Variants in PIP4K2A observed in about 807,000 individuals in gnomAD.
PIP4K2A encodes phosphatidylinositol-5-phosphate 4-kinase type 2 alpha.
In PIP4K2A, 14 loss-of-function variants were observed where a neutral mutation model predicts 42.9. That is an observed-to-expected ratio of 0.33 (90% confidence interval 0.22 to 0.51). The LOEUF is 0.51. PIP4K2A is among the 20% of genes least tolerant of loss of function. The probability of loss-of-function intolerance (pLI) is 0.97; values close to 1 mark genes in which losing one functional copy is unlikely to be tolerated. For synonymous variants in PIP4K2A, 192 were observed against 192.2 expected (o/e 1.00, Z 0.01); for missense variants, 434 against 519.8 (o/e 0.83, Z 1.61).
At chr10:22,714,075 G>A (rs1833964560) in intron 1 of PIP4K2A, 108 bp downstream of exon 1, 4 of 1,189,490 alleles carry the variant, frequency 3.4e-6, no homozygotes, top group Non-Finnish European at 4.7e-6. Context: ...GGAGGTCCAG[G>A]GCTGACTCCG....
intron 1 of PIP4K2A, among the ~76,000 whole-genome samples, chr10:22,646,764 G>A (rs1378092166): frequency 2.0e-5 from 3 of 152,218 alleles, no homozygotes; most frequent in Middle Eastern, 3.4e-3. Context: ...CCCACCTGTG[G>A]AGTCTGAGAG....
intron 6 of PIP4K2A, among the ~76,000 whole-genome samples, chr10:22,556,411 A>G (rs1836549859): frequency 1.3e-5 from 2 of 152,182 alleles, no homozygotes; most frequent in Non-Finnish European, 2.9e-5. Flanking sequence ...TGAAACCCAA[A>G]TGAGAGTAAA....
chr10:22,636,706 C>T (rs749703736), intron 1 of PIP4K2A, among the ~76,000 whole-genome samples: 8 of 152,190 alleles, frequency 5.3e-5, no homozygotes, highest in Admixed American at 1.3e-4. Context: ...ACAAGCCCAG[C>T]GTGTAAATAT....
chr10:22,573,879 T>G (rs1406199170), intron 4 of PIP4K2A, among the ~76,000 whole-genome samples: 1 of 152,242 alleles, frequency 6.6e-6, no homozygotes, highest in Non-Finnish European at 1.5e-5. Flanking sequence ...TCTAACAGTG[T>G]TGAAGTCGAG....
chr10:22,635,223 C>A (rs986552768), intron 1 of PIP4K2A, among the ~76,000 whole-genome samples: 4 of 152,026 alleles, frequency 2.6e-5, no homozygotes, highest in African/African-American at 7.3e-5. Context: ...ACAGAGAGAA[C>A]CCTAATGTCA....
rs557592853 is a variant in PIP4K2A, at chr10:22,612,487, G to A, written c.145-2770C>T. Among the ~76,000 whole-genome samples, 24 of 152,322 alleles carry A rather than the reference G, an allele frequency of 1.6e-4. No homozygotes were observed. In the South Asian group the frequency reaches 4.6e-3, roughly 29 times the overall value. On this transcript the variant is annotated intron_variant, in intron 1 of 9. Transcript: ENST00000376573. ...ACACTGTTAATGGGAAAACAGTGCA[G>A]AAATAGACAAGGTGCGTGGCATGAA...
intron 1 of PIP4K2A, among the ~76,000 whole-genome samples, chr10:22,637,728 C>T (rs1052238372): frequency 6.6e-6 from 1 of 152,174 alleles, no homozygotes; most frequent in Non-Finnish European, 1.5e-5. Flanking sequence ...CAGACGAAAC[C>T]ACAACTCAGA....
intron 1 of PIP4K2A, among the ~76,000 whole-genome samples, chr10:22,677,557 T>C (rs1839583037): frequency 6.6e-6 from 1 of 152,170 alleles, no homozygotes; most frequent in South Asian, 2.1e-4. Context: ...TGCAGAATGA[T>C]GAAACAGAAT....
chr10:22,573,508 T>G (rs757358809), intron 4 of PIP4K2A, 51 bp from the exon 5 acceptor site: 25 of 1,521,502 alleles, frequency 1.6e-5, no homozygotes, highest in Non-Finnish European at 2.2e-5. Flanking sequence ...AAAAGATTGC[T>G]TCCTTAGATG....
chr10:22,706,619 G>C (rs562033461), intron 1 of PIP4K2A, among the ~76,000 whole-genome samples: 1 of 152,118 alleles, frequency 6.6e-6, no homozygotes, highest in African/African-American at 2.4e-5. Flanking sequence ...TGCACAATTT[G>C]AGAGCAAGGT....
At chr10:22,610,441 T>G (rs924874579) in intron 1 of PIP4K2A, among the ~76,000 whole-genome samples, 3 of 152,250 alleles carry the variant, frequency 2.0e-5, no homozygotes, top group African/African-American at 7.2e-5. Context: ...TTTTGCATGT[T>G]GACTTTCCTT....
intron 1 of PIP4K2A, among the ~76,000 whole-genome samples, chr10:22,674,955 C>T (rs1839527858): frequency 6.6e-6 from 1 of 151,090 alleles, no homozygotes; most frequent in Non-Finnish European, 1.5e-5. Flanking sequence ...AAAACAAGAC[C>T]GTAGGATTCT....
rs556755579 is a variant in PIP4K2A at position 22,693,921 on chromosome 10, A to G, written c.144+20262T>C. ...ATGATAAAAGAGGTGTTAAGTCCAG[A>G]GTCACTCTCTCCTTCATTTACACAC... On this transcript the variant is annotated intron_variant, in intron 1 of 9. Transcript: ENST00000376573. The G allele has an allele frequency of 3.9e-5, 6 of 152,266 alleles. No individual in the cohort carries two copies. In the East Asian group the frequency reaches 1.2e-3, roughly 29 times the overall value. The allele number at this position is 152,266 out of a possible 1,614,324, so 9.4% of individuals were successfully genotyped here.
chr10:22,675,762 C>T (rs1037050858), intron 1 of PIP4K2A, among the ~76,000 whole-genome samples: 1 of 152,190 alleles, frequency 6.6e-6, no homozygotes, highest in Non-Finnish European at 1.5e-5. Context: ...CTCACATCCA[C>T]TCTACATAAT....
chr10:22,702,515 T>C (rs759311914), intron 1 of PIP4K2A, among the ~76,000 whole-genome samples: 1 of 152,204 alleles, frequency 6.6e-6, no homozygotes, highest in Non-Finnish European at 1.5e-5. Flanking sequence ...AAAGAAGTTG[T>C]TTACTTTCTG....
rs1259942832 is a variant in PIP4K2A, at chr10:22,632,891, G to A, written c.145-23174C>T. Among the ~76,000 whole-genome samples the A allele has an allele frequency of 2.0e-5, 3 of 152,108 alleles. No individual in the cohort carries two copies. In the East Asian group the frequency reaches 5.8e-4, roughly 29 times the overall value. ...AGGAAGCGGTTGAGTTTCATATTTT[G>A]TTTTATATTCTTTGGTTTTCTATTT... On this transcript the variant is annotated intron_variant, in intron 1 of 9. Coordinates refer to ENST00000376573, the MANE Select transcript of PIP4K2A (RefSeq NM_005028.5).
chr10:22,657,602 A>G (rs1952554020), intron 1 of PIP4K2A, among the ~76,000 whole-genome samples: 1 of 152,268 alleles, frequency 6.6e-6, no homozygotes, highest in Admixed American at 6.5e-5. Context: ...AAACCAATTT[A>G]GATTCTACAA....
intron 1 of PIP4K2A, among the ~76,000 whole-genome samples, chr10:22,683,157 T>G (rs1839695972): frequency 6.7e-6 from 1 of 150,340 alleles, no homozygotes; most frequent in South Asian, 2.1e-4. Context: ...AGCTGATAAA[T>G]TACTGTTCAA....
chr10:22,593,982 A>G (rs979914171), intron 3 of PIP4K2A, among the ~76,000 whole-genome samples: 1 of 152,242 alleles, frequency 6.6e-6, no homozygotes, highest in African/African-American at 2.4e-5. Context: ...TCATGGGCCA[A>G]TAGGGTGAAT....
Sources: allele counts gnomAD v4.1 joint callset (sites outside exome capture counted in the v4.1 genomes callset), GRCh38; gene constraint gnomAD v4.1.1; transcripts MANE v1.5; gene names NCBI Gene and HGNC (gene_info 2026-07-23, HGNC 2026-07-21).